The following RNF150 variants were observed in gnomAD, a reference collection of about 807,000 sequenced individuals.
RNF150 encodes the protein ring finger protein 150.
A neutral mutation model predicts 39.3 loss-of-function variants in RNF150; 24 were observed. That is an observed-to-expected ratio of 0.61 (90% CI 0.44 to 0.86). The LOEUF (loss-of-function observed/expected upper bound fraction) is 0.86. RNF150 is among the 40% of genes least tolerant of loss of function. The pLI is 0.00. For synonymous variants in RNF150, 255 were observed against 227.3 expected (o/e 1.12, Z -1.10); for missense variants, 502 against 587.8 (o/e 0.85, Z 1.51).
chr4:140,894,817 T>C (rs1052791698), intron 6 of RNF150, among the ~76,000 whole-genome samples: 24 of 152,234 alleles, frequency 1.6e-4, no homozygotes, highest in Non-Finnish European at 2.9e-4. Context: ...TGAGACTATG[T>C]CGGCAGTTTC....
chr4:140,975,291 A>T (rs557996589), intron 1 of RNF150, among the ~76,000 whole-genome samples: 24 of 152,272 alleles, frequency 1.6e-4, no homozygotes, highest in African/African-American at 5.8e-4. Context: ...CAGTATTTGC[A>T]GGATTTGAAA....
Position 140,949,365 on chromosome 4 carries a change from A to C in RNF150, c.743T>G (p.Leu248Arg). 1 of 1,613,028 alleles carries C rather than the reference A, an allele frequency of 6.2e-7. No individual in the cohort carries two copies. The highest frequency in any genetic ancestry group is 8.5e-7 in the Non-Finnish European group (1 of 1,179,414). ...ANARDRNQRR[L>R]GDAAKKAISK... Reference sequence around the variant, plus strand: ...GATGGCTTTCTTTGCTGCATCCCCCAGTCGGCGCTGAAAAGCCAAAACGTG... The same window carrying C: ...GATGGCTTTCTTTGCTGCATCCCCCCGTCGGCGCTGAAAAGCCAAAACGTG... Residue 248 changes from leucine (L) to arginine (R), a missense_variant, in exon 3 of 7, where the codon CTG becomes CGG. Physicochemically the swap from Leu to Arg is moderately radical, Grantham distance 102. Coordinates refer to ENST00000515673, the MANE Select transcript of RNF150 (RefSeq NM_020724.2).
At chr4:140,880,901 CTTTATT>C (rs1392668119) in intron 6 of RNF150, among the ~76,000 whole-genome samples, 1 of 152,002 alleles carries the variant, frequency 6.6e-6, no homozygotes, top group African/African-American at 2.4e-5. Flanking sequence ...CAAGTCTTCT[CTTTATT>C]TTAATTAGTC....
chr4:141,063,252 A>G (rs1737309017), intron 1 of RNF150, among the ~76,000 whole-genome samples: 2 of 152,220 alleles, frequency 1.3e-5, no homozygotes, highest in South Asian at 4.1e-4. Context: ...CTTCTCACAG[A>G]AGGATCTGAA....
chr4:141,056,429 C>T (rs1736974769), intron 1 of RNF150, among the ~76,000 whole-genome samples: 1 of 152,024 alleles, frequency 6.6e-6, no homozygotes, highest in Non-Finnish European at 1.5e-5. Flanking sequence ...TACTTAAACA[C>T]CTGCCCAAGG....
intron 1 of RNF150, among the ~76,000 whole-genome samples, chr4:141,114,752 C>T (rs1306396051): frequency 6.6e-6 from 1 of 152,180 alleles, no homozygotes; most frequent in Non-Finnish European, 1.5e-5. Flanking sequence ...CAATAAAATA[C>T]TAGCAAACCA....
chr4:141,096,987 T>C (rs967488592), intron 1 of RNF150, among the ~76,000 whole-genome samples: 1 of 152,208 alleles, frequency 6.6e-6, no homozygotes, highest in African/African-American at 2.4e-5. Flanking sequence ...CTAATGCTCT[T>C]TCCAGGTCTG....
chr4:140,999,536 C>T (rs553412425), intron 1 of RNF150, among the ~76,000 whole-genome samples: 12 of 152,230 alleles, frequency 7.9e-5, no homozygotes, highest in East Asian at 7.7e-4. Flanking sequence ...ATGAAGTTAG[C>T]GCTGCTTGTT....
intron 1 of RNF150, 145 bp from the exon 2 acceptor site, chr4:140,968,018 C>T: frequency 7.7e-6 from 5 of 645,878 alleles, no homozygotes; most frequent in South Asian, 3.0e-5. Context: ...AGACCTAATA[C>T]TTAGAAACCA....
chr4:141,162,169 A>C (rs1727524769), intron 1 of RNF150, among the ~76,000 whole-genome samples: 1 of 152,236 alleles, frequency 6.6e-6, no homozygotes, highest in South Asian at 2.1e-4. Context: ...GTAAAGCCAC[A>C]GGGGCAGAAC....
intron 5 of RNF150, among the ~76,000 whole-genome samples, chr4:140,918,162 G>C (rs1730926403): frequency 6.6e-6 from 1 of 152,164 alleles, no homozygotes; most frequent in African/African-American, 2.4e-5. Context: ...ACATTTGAAA[G>C]CTAGCAGAAA....
intron 1 of RNF150, among the ~76,000 whole-genome samples, chr4:141,043,673 T>C (rs939133779): frequency 1.3e-5 from 2 of 152,154 alleles, no homozygotes; most frequent in African/African-American, 4.8e-5. Context: ...GAAGCCACTT[T>C]AAAAGGAATA....
chr4:140,997,783 G>A (rs749300289), intron 1 of RNF150, among the ~76,000 whole-genome samples: 6 of 147,216 alleles, frequency 4.1e-5, no homozygotes, highest in Non-Finnish European at 6.1e-5. Flanking sequence ...TTTATTAAGT[G>A]AAAAAAGCAA....
At chr4:140,902,594 C>A (rs1730225565) in intron 6 of RNF150, among the ~76,000 whole-genome samples, 1 of 150,804 alleles carries the variant, frequency 6.6e-6, no homozygotes, top group Non-Finnish European at 1.5e-5. Flanking sequence ...ATTTTCAGAT[C>A]AATTTTTTTT....
In RNF150 at chr4:140,994,043, C is replaced by A. The variant is rs142512777; in HGVS notation, c.485-26170G>T. 5.5e-3 allele frequency among the ~76,000 whole-genome samples: 842 copies of A among 152,320 alleles called. 5 individuals carry two copies. Among genetic ancestry groups the A allele is most frequent in the Non-Finnish European group, 8.2e-3 (558 of 68,024 alleles). On this transcript the variant is annotated intron_variant, in intron 1 of 6. Coordinates refer to ENST00000515673, the MANE Select transcript of RNF150 (RefSeq NM_020724.2). ...TCCACCAACATCTGAGAATATACAG[C>A]TTTCCAAATAATTACCCACTTCAAC...
At chr4:140,982,673 C>T (rs1262213851) in intron 1 of RNF150, among the ~76,000 whole-genome samples, 1 of 151,988 alleles carries the variant, frequency 6.6e-6, no homozygotes, top group African/African-American at 2.4e-5. Context: ...AAAACATGTC[C>T]CTGGTGATCC....
At chr4:141,165,313 C>A (rs952479664) in intron 1 of RNF150, among the ~76,000 whole-genome samples, 5 of 152,066 alleles carry the variant, frequency 3.3e-5, no homozygotes, top group African/African-American at 1.2e-4. Context: ...TCTTAGAGAC[C>A]TACAAAGAGA....
At chr4:140,897,742 C>G (rs1207769202) in intron 6 of RNF150, among the ~76,000 whole-genome samples, 1 of 152,176 alleles carries the variant, frequency 6.6e-6, no homozygotes, top group Non-Finnish European at 1.5e-5. Flanking sequence ...CTCTTCTATA[C>G]AGTAACATTT....
intron 1 of RNF150, among the ~76,000 whole-genome samples, chr4:141,122,590 T>C (rs1726643223): frequency 2.6e-5 from 4 of 152,246 alleles, no homozygotes; most frequent in Admixed American, 2.6e-4. Context: ...TTCATGGATA[T>C]GCACTCATGT....
Sources: gnomAD v4.1 joint callset for allele counts (sites outside exome capture counted in the v4.1 genomes callset) on GRCh38, gnomAD v4.1.1 for gene constraint, MANE v1.5 for transcripts, NCBI Gene and HGNC (gene_info 2026-07-23, HGNC 2026-07-21) for gene names.